KYAT1: variants seen among roughly 807,000 people sequenced by gnomAD.
KYAT1 encodes kynurenine aminotransferase 1.
KYAT1 carries 47 observed loss-of-function variants against 52.4 expected under a neutral mutation model. That is an observed-to-expected ratio of 0.90 (90% CI 0.71 to 1.14). The LOEUF is 1.14. Ranked by LOEUF, KYAT1 falls within the 50% of genes most tolerant of loss-of-function variation. The pLI is 0.00. For missense variants in KYAT1, 480 were observed against 557.9 expected, an observed-to-expected ratio of 0.86 and a Z score of 1.41; for synonymous variants, 212 against 209.6, an observed-to-expected ratio of 1.01 and a Z score of -0.10.
At chr9:128,862,462 C>T (rs1177633017) in intron 1 of KYAT1, among the ~76,000 whole-genome samples, 1 of 152,242 alleles carries the variant, frequency 6.6e-6, no homozygotes, top group Non-Finnish European at 1.5e-5. Flanking sequence ...ACAACACTTA[C>T]ATTGAGCTCC....
chr9:128,840,975 G>A (rs535150541), intron 3 of KYAT1, among the ~76,000 whole-genome samples: 77 of 152,324 alleles, frequency 5.1e-4, no homozygotes, highest in African/African-American at 1.9e-3. Context: ...ATTTGCTGTG[G>A]CATTGCTTAT....
chr9:128,871,009 T>C (rs968194099), intron 1 of KYAT1, among the ~76,000 whole-genome samples: 1 of 151,766 alleles, frequency 6.6e-6, no homozygotes, highest in African/African-American at 2.4e-5. Flanking sequence ...ATATAACCCA[T>C]TTACATTTTT....
At chr9:128,880,040 C>A (rs1342692825) in intron 1 of KYAT1, among the ~76,000 whole-genome samples, 1 of 152,214 alleles carries the variant, frequency 6.6e-6, no homozygotes, top group Non-Finnish European at 1.5e-5. Flanking sequence ...TTCTTAATCT[C>A]TCTGTGCCTC....
chr9:128,859,893 C>G (rs1835219950), intron 1 of KYAT1: 1 of 152,064 alleles, frequency 6.6e-6, no homozygotes, highest in Non-Finnish European at 1.5e-5. Flanking sequence ...CGTGACCCAC[C>G]CGCCTCGGCC....
At chr9:128,840,573 A>C (rs1169409260) in intron 3 of KYAT1, 1 of 423,982 alleles carries the variant, frequency 2.4e-6, no homozygotes, top group African/African-American at 2.1e-5. Flanking sequence ...TAAAAGAAAA[A>C]AAAAAGAAAG....
chr9:128,844,433 T>C (rs556820198), intron 2 of KYAT1, among the ~76,000 whole-genome samples: 11 of 151,048 alleles, frequency 7.3e-5, no homozygotes, highest in Admixed American at 6.6e-4. Context: ...GTAATCCCAG[T>C]ACTTTGGGAG....
rs113982711 is a variant in KYAT1 at position 128,847,801 on chromosome 9, C to T, written c.-6-2390G>A. Among the ~76,000 whole-genome samples the T allele has an allele frequency of 3.5e-3, 529 of 152,260 alleles. 3 individuals carry two copies. The highest frequency in any genetic ancestry group is 0.012 in the African/African-American group (513 of 41,554). On this transcript the variant is annotated intron_variant, in intron 1 of 12. Transcript: ENST00000302586. ...ACACCCCCCAGCAACCCAAGTGACC[C>T]TTTCAAAACACAAATCACCTCTAAT...
chr9:128,869,716 G>C (rs1447731073), intron 1 of KYAT1, among the ~76,000 whole-genome samples: 1 of 151,524 alleles, frequency 6.6e-6, no homozygotes, highest in Non-Finnish European at 1.5e-5. Flanking sequence ...TTACAGGTGT[G>C]AGCCATTGTG....
intron 1 of KYAT1, among the ~76,000 whole-genome samples, chr9:128,875,819 C>T (rs914635328): frequency 6.6e-6 from 1 of 152,110 alleles, no homozygotes; most frequent in Non-Finnish European, 1.5e-5. Flanking sequence ...GTGGCCTGTG[C>T]CCCCCTCCAA....
At chr9:128,865,412 G>A (rs1450489951) in intron 1 of KYAT1, among the ~76,000 whole-genome samples, 1 of 122,902 alleles carries the variant, frequency 8.1e-6, no homozygotes, top group Non-Finnish European at 1.6e-5. Flanking sequence ...GCCCAGGCTG[G>A]AGTGCAATGG....
chr9:128,878,532 T>C (rs1222592887), intron 1 of KYAT1, among the ~76,000 whole-genome samples: 1 of 152,154 alleles, frequency 6.6e-6, no homozygotes, highest in Admixed American at 6.6e-5. Flanking sequence ...CAAATTTTTT[T>C]TGATAGAAAA....
chr9:128,876,137 G>A (rs970635354), intron 1 of KYAT1, among the ~76,000 whole-genome samples: 25 of 151,690 alleles, frequency 1.6e-4, no homozygotes, highest in African/African-American at 2.2e-4. Context: ...ATAGGGTCTC[G>A]CTTTGTCACC....
intron 2 of KYAT1, among the ~76,000 whole-genome samples, chr9:128,844,908 TC>T (rs1832829295): frequency 6.6e-6 from 1 of 152,066 alleles, no homozygotes; most frequent in Non-Finnish European, 1.5e-5. Context: ...GAAAACAATA[TC>T]AACCTCTGCA....
intron 7 of KYAT1, 132 bp downstream of exon 7, chr9:128,836,670 A>G: frequency 9.8e-7 from 1 of 1,019,498 alleles, no homozygotes; most frequent in Non-Finnish European, 1.4e-6. Context: ...GTACTCTGGG[A>G]GGCAAAGGTC....
intron 1 of KYAT1, chr9:128,846,944 C>A: frequency 8.6e-7 from 1 of 1,163,902 alleles, no homozygotes; most frequent in Non-Finnish European, 1.2e-6. Context: ...AGAGGTGCCA[C>A]AATAGTCTCC....
chr9:128,847,648 C>CAAT (rs1475292654), intron 1 of KYAT1: 6 of 564,864 alleles, frequency 1.1e-5, no homozygotes, highest in Non-Finnish European at 1.9e-5. Context: ...ACAGCTCTAA[C>CAAT]AATAACAACA....
At chr9:128,856,251 G>A (rs2119369973) in intron 1 of KYAT1, among the ~76,000 whole-genome samples, 1 of 152,314 alleles carries the variant, frequency 6.6e-6, no homozygotes, top group South Asian at 2.1e-4. Flanking sequence ...GGTGAAAGCT[G>A]CTGATGGCCT....
intron 1 of KYAT1, among the ~76,000 whole-genome samples, chr9:128,868,949 C>T (rs1421132115): frequency 1.3e-5 from 2 of 151,934 alleles, no homozygotes; most frequent in Non-Finnish European, 2.9e-5. Flanking sequence ...CATGATCTGC[C>T]CACCTTGGCC....
intron 3 of KYAT1, among the ~76,000 whole-genome samples, chr9:128,840,882 T>C (rs1832037553): frequency 6.6e-6 from 1 of 152,244 alleles, no homozygotes; most frequent in African/African-American, 2.4e-5. Context: ...TATAAATATT[T>C]ATAGTCTTTC....
Sources: gnomAD v4.1 joint callset for allele counts (sites outside exome capture counted in the v4.1 genomes callset) on GRCh38, gnomAD v4.1.1 for gene constraint, MANE v1.5 for transcripts, NCBI Gene and HGNC (gene_info 2026-07-23, HGNC 2026-07-21) for gene names.